SPOCK1: variants seen among roughly 807,000 people sequenced by gnomAD.
SPOCK1 encodes the protein testican-1.
In SPOCK1, 23 loss-of-function variants were observed where a neutral mutation model predicts 55.3. The observed-to-expected ratio is 0.42, with a 90% CI of 0.30 to 0.59. The LOEUF is 0.59. SPOCK1 is among the 20% of genes least tolerant of loss of function. The pLI is 0.22. For synonymous variants in SPOCK1, 226 were observed against 221.0 expected (o/e 1.02, Z -0.20); for missense variants, 499 against 552.5 (o/e 0.90, Z 0.97).
At chr5:137,230,294 A>G (rs1756026147) in intron 3 of SPOCK1, among the ~76,000 whole-genome samples, 2 of 152,218 alleles carry the variant, frequency 1.3e-5, no homozygotes, top group South Asian at 4.1e-4. Context: ...AGAAAAAGAC[A>G]TTCACACCCA....
At chr5:137,358,137 GGAGTA>G (rs934816410) in intron 2 of SPOCK1, among the ~76,000 whole-genome samples, 11 of 152,070 alleles carry the variant, frequency 7.2e-5, no homozygotes, top group Non-Finnish European at 5.9e-5. Context: ...TTAGGGAGGA[GGAGTA>G]GAGTAAAGGT....
intron 2 of SPOCK1, among the ~76,000 whole-genome samples, chr5:137,451,835 C>T (rs1753260660): frequency 6.6e-6 from 1 of 152,166 alleles, no homozygotes; most frequent in African/African-American, 2.4e-5. Context: ...AGTCCTGTAA[C>T]GTTTTAGCTC....
At chr5:137,141,826 A>C (rs1305884872) in intron 3 of SPOCK1, among the ~76,000 whole-genome samples, 1 of 152,214 alleles carries the variant, frequency 6.6e-6, no homozygotes, top group East Asian at 1.9e-4. Context: ...GGGAGGCAGT[A>C]ATGAGACAAG....
At chr5:137,410,945 G>A (rs546073199) in intron 2 of SPOCK1, among the ~76,000 whole-genome samples, 41 of 152,186 alleles carry the variant, frequency 2.7e-4, no homozygotes, top group Non-Finnish European at 5.1e-4. Flanking sequence ...ATCAAGTTTG[G>A]GGACCTCAGG....
intron 2 of SPOCK1, among the ~76,000 whole-genome samples, chr5:137,354,904 T>C (rs2522214): frequency 3.2e-4 from 48 of 151,812 alleles, no homozygotes; most frequent in African/African-American, 9.7e-4. Flanking sequence ...TAAGTTTTGT[T>C]TTTTTTTGTT....
In SPOCK1 at chr5:137,262,496, C is replaced by T. The variant is rs144741668; in HGVS notation, c.232+4514G>A. Among the ~76,000 whole-genome samples the T allele has an allele frequency of 1.9e-3, 289 of 152,340 alleles. 3 individuals are homozygous for T. The highest frequency in any genetic ancestry group is 6.5e-3 in the African/African-American group (271 of 41,574). On this transcript the variant is annotated intron_variant, in intron 3 of 10. Coordinates refer to ENST00000394945, the MANE Select transcript of SPOCK1 (RefSeq NM_004598.4). The stretch of plus-strand genomic sequence containing the variant: ...CAACTCTACTCACTTCCCTACCCCC[C>T]AGTAGGACCTTGGATGGATGTCTCT...
chr5:137,305,536 T>C (rs2916648), intron 2 of SPOCK1, among the ~76,000 whole-genome samples: 109,997 of 152,144 alleles, frequency 0.72, 40,762 homozygotes, highest in Non-Finnish European at 0.8. Flanking sequence ...AAGTGCTCCA[T>C]GGGATGTCAG....
chr5:137,152,199 G>A (rs1455236863), intron 3 of SPOCK1, among the ~76,000 whole-genome samples: 1 of 152,168 alleles, frequency 6.6e-6, no homozygotes, highest in Non-Finnish European at 1.5e-5. Flanking sequence ...TATTCTTGCT[G>A]TTTTTACGTT....
rs563916030 is a variant in SPOCK1 at position 137,387,802 on chromosome 5, C to T, written c.186+110571G>A. 1.1e-4 allele frequency among the ~76,000 whole-genome samples: 16 copies of T among 152,028 alleles called. No individual in the cohort carries two copies. In the East Asian group the frequency reaches 1.2e-3, roughly 11 times the overall value. On this transcript the variant is annotated intron_variant, in intron 2 of 10. Coordinates refer to ENST00000394945, the MANE Select transcript of SPOCK1 (RefSeq NM_004598.4). ...CTCAGGCTGTGTAGGTGTTACAGCACGGGCTATATGGGAAATCTCTGTACT... is the reference window on the plus strand; with the variant it reads ...CTCAGGCTGTGTAGGTGTTACAGCATGGGCTATATGGGAAATCTCTGTACT...
intron 2 of SPOCK1, among the ~76,000 whole-genome samples, chr5:137,354,010 T>G (rs1371660260): frequency 6.6e-6 from 1 of 152,102 alleles, no homozygotes; most frequent in Non-Finnish European, 1.5e-5. Context: ...AGTGGGAAAC[T>G]CTCACATTTG....
chr5:137,457,157 T>C (rs546467575), intron 2 of SPOCK1, among the ~76,000 whole-genome samples: 2 of 152,320 alleles, frequency 1.3e-5, no homozygotes, highest in East Asian at 1.9e-4. Context: ...GAGTTTCACA[T>C]ATGGCTGGTT....
chr5:137,061,926 G>T (rs549796090), intron 6 of SPOCK1, among the ~76,000 whole-genome samples: 6 of 152,270 alleles, frequency 3.9e-5, no homozygotes, highest in Non-Finnish European at 8.8e-5. Flanking sequence ...GGCTAAAGAT[G>T]CTGCTGACTG....
chr5:137,267,147 AAC>A (rs973945903), intron 2 of SPOCK1, 92 bp from the exon 3 acceptor site: 10 of 1,029,854 alleles, frequency 9.7e-6, no homozygotes, highest in Non-Finnish European at 1.5e-5. Context: ...CACCTCCCAA[AAC>A]ACAAAGGAAA....
At chr5:137,123,974 T>G (rs1753733220) in intron 4 of SPOCK1, among the ~76,000 whole-genome samples, 1 of 151,950 alleles carries the variant, frequency 6.6e-6, no homozygotes, top group South Asian at 2.1e-4. Context: ...GAGCACAACT[T>G]CATCACCCCA....
At chr5:137,369,575 G>A (rs991341597) in intron 2 of SPOCK1, among the ~76,000 whole-genome samples, 1 of 152,212 alleles carries the variant, frequency 6.6e-6, no homozygotes, top group African/African-American at 2.4e-5. Context: ...GCTTCCCAAA[G>A]TTGTGAACTA....
rs185603981 is a variant in SPOCK1 at position 137,063,836 on chromosome 5, C to T, written c.589+3879G>A. On this transcript the variant is annotated intron_variant, in intron 6 of 10. Transcript: ENST00000394945. The stretch of plus-strand genomic sequence containing the variant: ...AACTGTACTCTGCATTGAATAGAAA[C>T]GGTTGCCAGGCACCTCTAAAAGAAC... Among the ~76,000 whole-genome samples the T allele has an allele frequency of 1.9e-3, 285 of 152,318 alleles. 2 individuals are homozygous for T. The highest frequency in any genetic ancestry group is 5.5e-3 in the African/African-American group (229 of 41,574).
At chr5:137,275,951 G>GA (rs1757058509) in intron 2 of SPOCK1, among the ~76,000 whole-genome samples, 1 of 152,098 alleles carries the variant, frequency 6.6e-6, no homozygotes, top group East Asian at 1.9e-4. Flanking sequence ...ACATGGCCAC[G>GA]TGCCCTAACC....
At chr5:137,451,221 T>C (rs1382210308) in intron 2 of SPOCK1, among the ~76,000 whole-genome samples, 1 of 152,156 alleles carries the variant, frequency 6.6e-6, no homozygotes, top group African/African-American at 2.4e-5. Context: ...GCCATTCTTA[T>C]TATACTCCAT....
At chr5:137,221,462 A>T (rs1008794191) in intron 3 of SPOCK1, among the ~76,000 whole-genome samples, 3 of 152,242 alleles carry the variant, frequency 2.0e-5, no homozygotes, top group Non-Finnish European at 2.9e-5. Context: ...CAAATAAAAA[A>T]TTCAACAGAT....
Sources: allele counts gnomAD v4.1 joint callset (sites outside exome capture counted in the v4.1 genomes callset), GRCh38; gene constraint gnomAD v4.1.1; transcripts MANE v1.5; gene names NCBI Gene and HGNC (gene_info 2026-07-23, HGNC 2026-07-21).